The following PTPN22 variants were observed in gnomAD, a reference collection of about 807,000 sequenced individuals.
PTPN22 encodes tyrosine-protein phosphatase non-receptor type 22.
In PTPN22, 85 loss-of-function variants were observed where a neutral mutation model predicts 103.3. That is an observed-to-expected ratio of 0.82 (90% CI 0.69 to 0.99). PTPN22 has a LOEUF of 0.99. Among genes scored for constraint, PTPN22 ranks in the 50% least tolerant of loss-of-function variants. PTPN22 has a pLI of 0.00. For missense variants in PTPN22, 865 were observed against 936.9 expected, an observed-to-expected ratio of 0.92 and a Z score of 1.00; for synonymous variants, 323 against 310.2, an observed-to-expected ratio of 1.04 and a Z score of -0.43.
Position 113,854,452 on chromosome 1 carries a change from C to T in PTPN22, c.750+19G>A. 1.2e-6 allele frequency: 2 copies of T among 1,601,848 alleles called. No individual in the cohort carries two copies. The highest frequency in any genetic ancestry group is 2.2e-5 in the East Asian group (1 of 44,826). ...CAGTAGACTAAGCAAATGGGAAGTG[C>T]CTGCTGAGAGAAACTCACCCCATCT... is the stretch of plus-strand genomic sequence containing the variant. On this transcript the variant is annotated intron_variant, in intron 9 of 20. Coordinates refer to ENST00000359785, the Ensembl canonical transcript of PTPN22.
chr1:113,868,012 A>G (rs1354301251), intron 1 of PTPN22, among the ~76,000 whole-genome samples: 3 of 152,174 alleles, frequency 2.0e-5, no homozygotes, highest in Non-Finnish European at 1.5e-5. Context: ...ATTACTTATA[A>G]TACCTAATAC....
At chr1:113,852,072 C>A in exon 10 of PTPN22, 1 of 1,611,596 alleles carries the variant, frequency 6.2e-7, no homozygotes, top group Non-Finnish European at 8.5e-7. Flanking sequence ...TTTCCCGGAT[C>A]AAACTGAAAA....
At chr1:113,849,962 G>A (rs183006402) in intron 10 of PTPN22, among the ~76,000 whole-genome samples, 4 of 152,098 alleles carry the variant, frequency 2.6e-5, no homozygotes, top group Admixed American at 2.0e-4. Context: ...TTGGGAGGCC[G>A]AGGCAGGCAG....
At chr1:113,848,418 A>G (rs1193169110) in intron 11 of PTPN22, 122 bp downstream of exon 11, 28 of 1,379,276 alleles carry the variant, frequency 2.0e-5, no homozygotes, top group Non-Finnish European at 2.6e-5. Flanking sequence ...GTGCAGCCCT[A>G]TGCACACCTG....
At chr1:113,829,640 A>G (rs778954362) in exon 18 of PTPN22, 1 of 1,610,350 alleles carries the variant, frequency 6.2e-7, no homozygotes, top group South Asian at 1.1e-5. Context: ...TCTGTTTTGA[A>G]GATGTTGAAT....
intron 18 of PTPN22, 81 bp downstream of exon 18, chr1:113,829,511 T>G: frequency 1.5e-6 from 1 of 676,010 alleles, no homozygotes; most frequent in African/African-American, 1.8e-5. Context: ...AATCTAATTT[T>G]CCATCTTAAT....
intron 11 of PTPN22, among the ~76,000 whole-genome samples, chr1:113,838,907 T>C (rs961322756): frequency 3.9e-5 from 6 of 152,170 alleles, no homozygotes; most frequent in Middle Eastern, 3.2e-3. Context: ...TGGGTAACTT[T>C]AGTCTCAAAA....
chr1:113,832,373 T>A (rs1237736392), intron 16 of PTPN22, among the ~76,000 whole-genome samples: 2 of 152,148 alleles, frequency 1.3e-5, no homozygotes, highest in East Asian at 3.9e-4. Flanking sequence ...AGAGACAGGG[T>A]TTCACCATGT....
chr1:113,849,070 G>A (rs1454741064), intron 10 of PTPN22, among the ~76,000 whole-genome samples: 1 of 152,118 alleles, frequency 6.6e-6, no homozygotes, highest in Non-Finnish European at 1.5e-5. Context: ...CAATGTCTAT[G>A]CTTTAATTTG....
chr1:113,855,026 A>C (rs1419796813), exon 8 of PTPN22: 1 of 1,611,032 alleles, frequency 6.2e-7, no homozygotes, highest in Non-Finnish European at 8.5e-7. Flanking sequence ...TCTTGTAATG[A>C]AACTGGTAGA....
At chr1:113,835,202 C>T (rs1662876350) in intron 13 of PTPN22, among the ~76,000 whole-genome samples, 1 of 152,078 alleles carries the variant, frequency 6.6e-6, no homozygotes, top group South Asian at 2.1e-4. Context: ...TTTGCTTATT[C>T]TTTAACATTT....
chr1:113,849,032 T>C (rs1571418623), intron 10 of PTPN22, among the ~76,000 whole-genome samples: 2 of 152,286 alleles, frequency 1.3e-5, no homozygotes, highest in Admixed American at 1.3e-4. Flanking sequence ...GAAAAAGAGA[T>C]AGTGGTTGGT....
At chr1:113,826,637 T>C (rs2797416) in intron 18 of PTPN22, among the ~76,000 whole-genome samples, 83,634 of 148,250 alleles carry the variant, frequency 0.56, 24,519 homozygotes, top group African/African-American at 0.66. Context: ...TTCCTTCCTC[T>C]ACTTTTATGG....
At chr1:113,849,929 C>T (rs1293648584) in intron 10 of PTPN22, among the ~76,000 whole-genome samples, 2 of 151,886 alleles carry the variant, frequency 1.3e-5, no homozygotes, top group East Asian at 3.9e-4. Context: ...GGCATGGTGG[C>T]TCACGCCTGT....
chr1:113,861,097 C>A (rs1665542998), intron 1 of PTPN22, among the ~76,000 whole-genome samples: 1 of 152,136 alleles, frequency 6.6e-6, no homozygotes, highest in African/African-American at 2.4e-5. Context: ...AGCAGACACT[C>A]TTAGCAAAAC....
At chr1:113,852,147 A>G in intron 9 of PTPN22, 43 bp from the exon 10 acceptor site, 1 of 1,427,004 alleles carries the variant, frequency 7.0e-7, no homozygotes, top group Non-Finnish European at 9.8e-7. Flanking sequence ...ATATTTTGTT[A>G]ATAAATTATT....
intron 11 of PTPN22, among the ~76,000 whole-genome samples, chr1:113,841,138 C>T (rs1235784842): frequency 1.3e-5 from 2 of 151,986 alleles, no homozygotes; most frequent in Non-Finnish European, 1.5e-5. Context: ...GCCGGAGAAT[C>T]ACTTGAACCA....
In PTPN22 at chr1:113,825,087, A is replaced by T. The variant is rs1411901422; in HGVS notation, c.2281+55T>A. The T allele has an allele frequency of 5.2e-5, 67 of 1,279,990 alleles. No individual in the cohort carries two copies. In the South Asian group the frequency reaches 6.6e-4, roughly 13 times the overall value. 79.3% of individuals were successfully genotyped at this position (1,279,990 alleles called of 1,614,324 possible). ...TTTCACAATATTGGTTGGTTATATA[A>T]ATAAAAATTACAAAATTGAGAAAAC... On this transcript the variant is annotated intron_variant, in intron 19 of 20. Transcript: ENST00000359785.
intron 11 of PTPN22, among the ~76,000 whole-genome samples, chr1:113,846,726 G>A (rs763101815): frequency 2.4e-4 from 36 of 152,104 alleles, no homozygotes; most frequent in Non-Finnish European, 4.0e-4. Flanking sequence ...TTCACTGGGT[G>A]TAAAACTCTG....
Sources: allele counts gnomAD v4.1 joint callset (sites outside exome capture counted in the v4.1 genomes callset), GRCh38; gene constraint gnomAD v4.1.1; transcripts MANE v1.5; gene names NCBI Gene and HGNC (gene_info 2026-07-23, HGNC 2026-07-21).